Variants in DYNC2I1 observed in about 807,000 individuals in gnomAD.
DYNC2I1 encodes the protein dynein 2 intermediate chain 1, also known as cytoplasmic dynein 2 intermediate chain 1.
DYNC2I1 carries 89 observed loss-of-function variants against 133.4 expected under a neutral mutation model. The ratio of observed to expected loss-of-function variants is 0.67; its 90% confidence interval spans 0.56 to 0.80. The LOEUF is 0.80. Among genes scored for constraint, DYNC2I1 ranks in the 30% least tolerant of loss-of-function variants. The pLI is 0.00. For synonymous variants in DYNC2I1, 504 were observed against 484.3 expected (o/e 1.04, Z -0.54); for missense variants, 1,291 against 1,314.5 (o/e 0.98, Z 0.28).
chr7:158,949,963 G>T (rs1181745315), downstream of DYNC2I1, among the ~76,000 whole-genome samples: 2 of 152,026 alleles, frequency 1.3e-5, no homozygotes, highest in Non-Finnish European at 2.9e-5. Flanking sequence ...TAGAGATGGG[G>T]TTTCTCCATG....
chr7:158,867,712 C>T (rs1842531684), intron 1 of DYNC2I1, among the ~76,000 whole-genome samples: 1 of 152,120 alleles, frequency 6.6e-6, no homozygotes, highest in Non-Finnish European at 1.5e-5. Flanking sequence ...CTGAGGGGCC[C>T]TTCTGACGTG....
chr7:158,869,865 A>G lies in DYNC2I1; in HGVS notation c.26A>G (p.Lys9Arg), dbSNP rs1842724264. ...TACTTTTCTATTTAGAGAAGAACCAAAGATGATACCTGGAAAGCAGATGAC... is the reference window on the plus strand; with the variant it reads ...TACTTTTCTATTTAGAGAAGAACCAGAGATGATACCTGGAAAGCAGATGAC... The part of the protein sequence containing the change: MEPGKRRT[K>R]DDTWKADDLR... Residue 9 changes from lysine (K) to arginine (R), a missense_variant, in exon 2 of 25, where the codon AAA (lysine) becomes AGA (arginine). Physicochemically the swap from Lys to Arg is conservative, Grantham distance 26 (BLOSUM62 2). Transcript: ENST00000407559. The G allele has an allele frequency of 5.6e-6, 9 of 1,612,936 alleles. No individual in the cohort carries two copies. Among genetic ancestry groups the G allele is most frequent in the Non-Finnish European group, 7.6e-6 (9 of 1,179,090 alleles).
intron 3 of DYNC2I1, among the ~76,000 whole-genome samples, chr7:158,876,131 C>G (rs1056988232): frequency 2.0e-5 from 3 of 152,132 alleles, no homozygotes; most frequent in Admixed American, 2.0e-4. Flanking sequence ...CTGGAGAGGC[C>G]TCAGGAGACT....
chr7:158,839,755 G>A, the DYNC2I1 span, among the ~76,000 whole-genome samples: 1 of 152,054 alleles, frequency 6.6e-6, no homozygotes, highest in Non-Finnish European at 1.5e-5. Context: ...GGGAGGCGGA[G>A]CTTGCAGTGA....
At chr7:158,884,503 T>C in intron 5 of DYNC2I1, 61 bp from the exon 6 acceptor site, 6 of 1,516,110 alleles carry the variant, frequency 4.0e-6, no homozygotes, top group Non-Finnish European at 4.5e-6. Flanking sequence ...GTTTACTAAT[T>C]ATGCTTACTT....
chr7:158,851,073 G>A, the DYNC2I1 span, among the ~76,000 whole-genome samples: 1 of 151,934 alleles, frequency 6.6e-6, no homozygotes. Flanking sequence ...ATAGTTTAGA[G>A]CAATTGGGTT....
chr7:158,899,248 C>A (rs2129483272), intron 8 of DYNC2I1, among the ~76,000 whole-genome samples: 1 of 151,798 alleles, frequency 6.6e-6, no homozygotes, highest in African/African-American at 2.4e-5. Flanking sequence ...TTTTATTTTT[C>A]CAAATATTTT....
chr7:158,957,538 G>A (rs1852228674), downstream of DYNC2I1, among the ~76,000 whole-genome samples: 1 of 152,242 alleles, frequency 6.6e-6, no homozygotes. Flanking sequence ...CCCAGCGCGG[G>A]CTCTACGCCG....
chr7:158,856,628 C>T lies in DYNC2I1; in HGVS notation c.-108C>T. ...CTGCTCCTGCTTGTCGGTTGCTAGG[C>T]GCTGGGACGCGCCTCCCGAAGGGTG... On this transcript the variant is annotated 5_prime_UTR_variant, in exon 1 of 25. Coordinates refer to ENST00000407559, the MANE Select transcript of DYNC2I1 (RefSeq NM_018051.5). The T allele has an allele frequency of 4.4e-6, 5 of 1,143,042 alleles. No individual in the cohort carries two copies. The highest frequency in any genetic ancestry group is 5.5e-6 in the Non-Finnish European group (5 of 907,124). 70.8% of individuals were successfully genotyped at this position (1,143,042 alleles called of 1,614,324 possible).
chr7:158,942,203 G>T (rs1585255114), intron 24 of DYNC2I1, 55 bp downstream of exon 24: 1 of 1,394,004 alleles, frequency 7.2e-7, no homozygotes, highest in Middle Eastern at 2.0e-4. Flanking sequence ...TCGGCCACGG[G>T]TGCCACTTAC....
downstream of DYNC2I1, among the ~76,000 whole-genome samples, chr7:158,948,585 A>AC (rs35308025): frequency 0.64 from 97,321 of 151,966 alleles, 32,889 homozygotes; most frequent in African/African-American, 0.86. Flanking sequence ...TGCTCAGTGA[A>AC]GGTGGCGCGG....
intron 14 of DYNC2I1, 70 bp from the exon 15 acceptor site, chr7:158,918,670 G>A: frequency 6.3e-7 from 1 of 1,575,480 alleles, no homozygotes. Flanking sequence ...AGATGAAAAG[G>A]TAATTTTTTT....
At chr7:158,902,669 A>C in intron 10 of DYNC2I1, 74 bp downstream of exon 10, 1 of 1,349,992 alleles carries the variant, frequency 7.4e-7, no homozygotes, top group Non-Finnish European at 1.0e-6. Flanking sequence ...AGATGCTGTC[A>C]CACACAGGCC....
In DYNC2I1 at chr7:158,897,086, C is replaced by A. The variant is rs1417460408; in HGVS notation, c.1060-4653C>A. Among the ~76,000 whole-genome samples, 4 of 150,382 alleles carry A rather than the reference C, an allele frequency of 2.7e-5. No individual in the cohort carries two copies. The South Asian group carries it at 6.3e-4, about 24-fold the overall frequency. Reference sequence around the variant, plus strand: ...GCAGCCTCCACCTCCTGGGTTCAAGCAGTTCTCCTGCCTCAGCCTCCCGAG... The same window carrying A: ...GCAGCCTCCACCTCCTGGGTTCAAGAAGTTCTCCTGCCTCAGCCTCCCGAG... On this transcript the variant is annotated intron_variant, in intron 8 of 24. Coordinates refer to ENST00000407559, the MANE Select transcript of DYNC2I1 (RefSeq NM_018051.5).
chr7:158,926,053 T>G (rs934842959), intron 17 of DYNC2I1, 134 bp from the exon 18 acceptor site: 2 of 680,624 alleles, frequency 2.9e-6, no homozygotes, highest in Non-Finnish European at 5.2e-6. Context: ...GGTTTTGGGG[T>G]GTTTTGGGAA....
intron 14 of DYNC2I1, among the ~76,000 whole-genome samples, chr7:158,915,865 T>G (rs1848161116): frequency 6.7e-6 from 1 of 149,900 alleles, no homozygotes; most frequent in Non-Finnish European, 1.5e-5. Context: ...TAAGGATGAT[T>G]GTGAAACGTC....
chr7:158,895,733 C>G (rs1845700816), intron 8 of DYNC2I1, among the ~76,000 whole-genome samples: 1 of 152,188 alleles, frequency 6.6e-6, no homozygotes, highest in Admixed American at 6.5e-5. Context: ...AAACTGACAT[C>G]TTGACAGATT....
chr7:158,954,918 C>A (rs962661024), intron 4 of DYNC2I1, among the ~76,000 whole-genome samples: 1 of 151,996 alleles, frequency 6.6e-6, no homozygotes, highest in Non-Finnish European at 1.5e-5. Context: ...CCCCGTCCCC[C>A]ACAGGCCTAG....
chr7:158,879,800 AAGC>A lies in DYNC2I1; in HGVS notation c.695_697del (p.Ser232del). Reference sequence around the variant, plus strand: ...ATCGAGACAACAAACACCGAGAAAAAAGCAGCACAAGGGAAAAAAGAGAGAAAT... The same window carrying A: ...ATCGAGACAACAAACACCGAGAAAAAAGCACAAGGGAAAAAAGAGAGAAAT... On this transcript the variant is annotated inframe_deletion, in exon 5 of 25. Coordinates refer to ENST00000407559, the MANE Select transcript of DYNC2I1 (RefSeq NM_018051.5). 6.2e-7 allele frequency: 1 copy of A among 1,613,180 alleles called. No individual in the cohort carries two copies. Among genetic ancestry groups the A allele is most frequent in the South Asian group, 1.1e-5 (1 of 90,894 alleles).
Sources: allele counts gnomAD v4.1 joint callset (sites outside exome capture counted in the v4.1 genomes callset), GRCh38; gene constraint gnomAD v4.1.1; transcripts MANE v1.5; gene names NCBI Gene and HGNC (gene_info 2026-07-23, HGNC 2026-07-21).